The following CDH12 variants were observed in gnomAD, a reference collection of about 807,000 sequenced individuals.
CDH12 encodes cadherin 12, also known as cadherin-12.
A neutral mutation model predicts 74.1 loss-of-function variants in CDH12; 41 were observed. The observed-to-expected ratio is 0.55, with a 90% confidence interval of 0.43 to 0.72. The LOEUF (loss-of-function observed/expected upper bound fraction) is 0.72. Among genes scored for constraint, CDH12 ranks in the 30% least tolerant of loss-of-function variants. The pLI is 0.00. For missense variants in CDH12, 945 were observed against 977.2 expected (o/e 0.97, Z 0.44); for synonymous variants, 399 against 355.0 (o/e 1.12, Z -1.39).
chr5:22,256,807 T>A (rs1245136806), intron 3 of CDH12, among the ~76,000 whole-genome samples: 3 of 151,912 alleles, frequency 2.0e-5, no homozygotes, highest in African/African-American at 7.3e-5. Flanking sequence ...AAAATAAAAA[T>A]AAAAAGTGGA....
At chr5:22,160,982 T>C (rs1390731648) in intron 4 of CDH12, among the ~76,000 whole-genome samples, 2 of 152,304 alleles carry the variant, frequency 1.3e-5, no homozygotes, top group South Asian at 2.1e-4. Context: ...AAGTCATGCA[T>C]GGCTCTGCAC....
chr5:21,995,142 AC>A (rs991993398), intron 5 of CDH12, among the ~76,000 whole-genome samples: 1 of 152,046 alleles, frequency 6.6e-6, no homozygotes, highest in African/African-American at 2.4e-5. Flanking sequence ...CTCCGGACAC[AC>A]CACGTTTAAG....
chr5:22,007,282 A>G (rs183053683), intron 5 of CDH12, among the ~76,000 whole-genome samples: 188 of 152,294 alleles, frequency 1.2e-3, no homozygotes, highest in African/African-American at 4.2e-3. Context: ...AGTTAATAGC[A>G]ATGTATTGTA....
chr5:22,366,811 G>C (rs1741052155), intron 3 of CDH12, among the ~76,000 whole-genome samples: 1 of 152,302 alleles, frequency 6.6e-6, no homozygotes, highest in Middle Eastern at 3.4e-3. Flanking sequence ...GAGATTATTT[G>C]AGTATAACTG....
At chr5:22,500,909 C>G (rs892090700) in intron 2 of CDH12, among the ~76,000 whole-genome samples, 3 of 151,826 alleles carry the variant, frequency 2.0e-5, no homozygotes, top group Non-Finnish European at 2.9e-5. Flanking sequence ...CTTCATCACT[C>G]CTGCAGTATA....
chr5:22,324,658 G>A (rs540295591), intron 3 of CDH12, among the ~76,000 whole-genome samples: 1 of 151,676 alleles, frequency 6.6e-6, no homozygotes, highest in African/African-American at 2.4e-5. Context: ...TTAACTATAG[G>A]AAGCAGAAAA....
intron 5 of CDH12, among the ~76,000 whole-genome samples, chr5:22,011,749 G>A (rs551502723): frequency 2.6e-4 from 39 of 151,980 alleles, no homozygotes; most frequent in African/African-American, 9.4e-4. Flanking sequence ...AAGTCTTACT[G>A]AAAAAAGAAC....
At chr5:22,660,351 G>C (rs1470097274) in intron 1 of CDH12, among the ~76,000 whole-genome samples, 2 of 152,152 alleles carry the variant, frequency 1.3e-5, no homozygotes, top group African/African-American at 2.4e-5. Context: ...CTATATAACA[G>C]GACAAGAATT....
intron 4 of CDH12, among the ~76,000 whole-genome samples, chr5:22,190,701 C>A (rs893958566): frequency 1.3e-5 from 2 of 152,064 alleles, no homozygotes; most frequent in Admixed American, 1.3e-4. Context: ...GAGTGTGGTG[C>A]GAAAAGACAT....
At chr5:21,939,726 T>C (rs1158946009) in intron 6 of CDH12, among the ~76,000 whole-genome samples, 2 of 152,200 alleles carry the variant, frequency 1.3e-5, no homozygotes, top group Non-Finnish European at 2.9e-5. Context: ...TATGCATTTG[T>C]GCTTTTAACT....
intron 2 of CDH12, among the ~76,000 whole-genome samples, chr5:22,486,555 G>C (rs906677736): frequency 6.6e-6 from 1 of 150,588 alleles, no homozygotes. Context: ...AGGTTCAAGC[G>C]ATTCTCCTGC....
chr5:22,538,749 A>G (rs1737973600), intron 1 of CDH12, among the ~76,000 whole-genome samples: 1 of 152,178 alleles, frequency 6.6e-6, no homozygotes, highest in African/African-American at 2.4e-5. Context: ...CTCATGCTCA[A>G]TTCATGCATT....
rs767974750 is a variant in CDH12 at position 22,137,889 on chromosome 5, T to G, written c.-186-59027A>C. 3.9e-5 allele frequency among the ~76,000 whole-genome samples: 6 copies of G among 152,258 alleles called. No homozygotes were observed. The South Asian group carries it at 1.0e-3, about 26-fold the overall frequency. ...CTGGATAACCTCTTTTATTTCTCTG[T>G]GTACACTACTGCTCATTTCAGAAAA... On this transcript the variant is annotated intron_variant, in intron 4 of 14. Transcript: ENST00000382254.
intron 2 of CDH12, among the ~76,000 whole-genome samples, chr5:22,452,954 AT>A (rs1745113918): frequency 6.6e-6 from 1 of 151,334 alleles, no homozygotes; most frequent in South Asian, 2.1e-4. Context: ...TAAAAGAGGC[AT>A]AAAAATAGCC....
At chr5:22,107,877 G>C (rs1356789961) in intron 4 of CDH12, among the ~76,000 whole-genome samples, 1 of 152,056 alleles carries the variant, frequency 6.6e-6, no homozygotes, top group Non-Finnish European at 1.5e-5. Flanking sequence ...TAAAGCAGCA[G>C]GGATATAAAA....
chr5:21,998,670 A>T (rs993650575), intron 5 of CDH12, among the ~76,000 whole-genome samples: 3 of 152,140 alleles, frequency 2.0e-5, no homozygotes, highest in Non-Finnish European at 2.9e-5. Context: ...AAGGGTCAGC[A>T]TTTTAAGCAG....
intron 13 of CDH12, among the ~76,000 whole-genome samples, chr5:21,759,733 T>C (rs1297922255): frequency 1.3e-5 from 2 of 152,052 alleles, no homozygotes; most frequent in Non-Finnish European, 2.9e-5. Context: ...GTGTGTTACA[T>C]AGGTAAACAC....
intron 2 of CDH12, among the ~76,000 whole-genome samples, chr5:22,444,635 GT>G (rs1227045975): frequency 1.3e-5 from 2 of 151,710 alleles, no homozygotes; most frequent in Non-Finnish European, 2.9e-5. Context: ...CACGACTTGG[GT>G]AAAATGGGAA....
At chr5:22,183,717 T>C (rs184719666) in intron 4 of CDH12, among the ~76,000 whole-genome samples, 1 of 152,158 alleles carries the variant, frequency 6.6e-6, no homozygotes, top group Non-Finnish European at 1.5e-5. Context: ...GCAGGGACAA[T>C]CTCACTCATA....
Sources: allele counts gnomAD v4.1 joint callset (sites outside exome capture counted in the v4.1 genomes callset), GRCh38; gene constraint gnomAD v4.1.1; transcripts MANE v1.5; gene names NCBI Gene and HGNC (gene_info 2026-07-23, HGNC 2026-07-21).